Variants in TSPAN5 observed in about 807,000 individuals in gnomAD.
TSPAN5 encodes the protein tetraspanin 5.
Under a neutral mutation model 37.1 loss-of-function variants are expected in TSPAN5, and 10 were observed. That is an observed-to-expected ratio of 0.27 (90% CI 0.17 to 0.46). The LOEUF is 0.46. Among genes scored for constraint, TSPAN5 ranks in the 20% least tolerant of loss-of-function variants. The probability of loss-of-function intolerance (pLI) is 1.00; values close to 1 mark genes in which losing one functional copy is unlikely to be tolerated. For missense variants in TSPAN5, 195 were observed against 326.6 expected (o/e 0.60, Z 3.11); for synonymous variants, 110 against 118.9 (o/e 0.93, Z 0.48).
At chr4:98,473,311 G>GT (rs1560503301) in intron 7 of TSPAN5, among the ~76,000 whole-genome samples, 5 of 152,222 alleles carry the variant, frequency 3.3e-5, no homozygotes, top group African/African-American at 1.2e-4. Context: ...TGAGGGTTTC[G>GT]TTTTCTCCAC....
chr4:98,655,795 C>T (rs1757283608), intron 1 of TSPAN5, among the ~76,000 whole-genome samples: 1 of 152,150 alleles, frequency 6.6e-6, no homozygotes, highest in South Asian at 2.1e-4. Context: ...ATTACTTTAA[C>T]CAAAACCATA....
intron 1 of TSPAN5, among the ~76,000 whole-genome samples, chr4:98,573,584 C>A (rs2110185565): frequency 6.6e-6 from 1 of 152,268 alleles, no homozygotes; most frequent in Middle Eastern, 3.4e-3. Flanking sequence ...AAGTAGATAA[C>A]AACTACAAGA....
intron 1 of TSPAN5, among the ~76,000 whole-genome samples, chr4:98,611,698 G>C (rs1288512291): frequency 1.3e-5 from 2 of 152,236 alleles, no homozygotes; most frequent in Non-Finnish European, 2.9e-5. Flanking sequence ...GTAAGAACAG[G>C]GTCTTCCCAG....
At chr4:98,554,098 A>C (rs1754685592) in intron 1 of TSPAN5, among the ~76,000 whole-genome samples, 1 of 152,074 alleles carries the variant, frequency 6.6e-6, no homozygotes, top group Non-Finnish European at 1.5e-5. Context: ...AAAATGTAAA[A>C]AGCAGTCTTG....
chr4:98,556,007 G>A (rs931810946), intron 1 of TSPAN5, among the ~76,000 whole-genome samples: 17 of 134,958 alleles, frequency 1.3e-4, no homozygotes, highest in South Asian at 2.3e-4. Context: ...ACACACACAC[G>A]TGCACAGCAC....
intron 1 of TSPAN5, among the ~76,000 whole-genome samples, chr4:98,508,403 G>A (rs1370589281): frequency 6.6e-6 from 1 of 152,128 alleles, no homozygotes; most frequent in Admixed American, 6.5e-5. Flanking sequence ...TAAGGCAGAG[G>A]CACATCTCAT....
intron 1 of TSPAN5, among the ~76,000 whole-genome samples, chr4:98,622,695 CAGTCAGTCTGAGGCTTAA>C (rs1238585909): frequency 2.0e-5 from 3 of 152,138 alleles, no homozygotes; most frequent in African/African-American, 7.2e-5. Flanking sequence ...TCAGGTAGGA[CAGTCAGTCTGAGGCTTAA>C]AAATGAGGTC....
chr4:98,607,271 ACAT>A (rs2110228592), intron 1 of TSPAN5, among the ~76,000 whole-genome samples: 1 of 152,302 alleles, frequency 6.6e-6, no homozygotes, highest in African/African-American at 2.4e-5. Context: ...AAAGAACCAC[ACAT>A]CCGGAGATGG....
chr4:98,480,788 G>A (rs73832319), intron 4 of TSPAN5, among the ~76,000 whole-genome samples: 14,663 of 152,150 alleles, frequency 0.096, 1,524 homozygotes, highest in African/African-American at 0.27. Context: ...GCACCCATTA[G>A]GACCTAATAA....
At chr4:98,565,222 T>C (rs1255569122) in intron 1 of TSPAN5, among the ~76,000 whole-genome samples, 3 of 152,238 alleles carry the variant, frequency 2.0e-5, no homozygotes, top group Non-Finnish European at 4.4e-5. Context: ...TTTTCCCCCT[T>C]GTTCCTTGAA....
rs1752970792 is a variant in TSPAN5 at position 98,486,845 on chromosome 4, C to T, written c.172G>A (p.Gly58Ser). The change falls in exon 3 of 8, where the codon GGC (glycine) becomes AGC (serine). Residue 58 changes from glycine (G) to serine (S), a missense_variant. By Grantham distance (56) the Gly-to-Ser change is moderately conservative. Transcript: ENST00000305798. ...AGGAAGAGCCAAACTGGGTCAAAGC[C>T]GCCGAGATCGGTGATGGAAGAGATG... is the stretch of plus-strand genomic sequence containing the variant. Reference protein sequence around the residue: ...SNISSITDLGGFDPVWLFLVV... With the variant: ...SNISSITDLGSFDPVWLFLVV... 2.5e-6 allele frequency: 4 copies of T among 1,614,030 alleles called. No homozygotes were observed. Among genetic ancestry groups the T allele is most frequent in the Non-Finnish European group, 3.4e-6 (4 of 1,180,006 alleles).
At chr4:98,474,482 G>C (rs1243494117) in intron 7 of TSPAN5, among the ~76,000 whole-genome samples, 1 of 151,752 alleles carries the variant, frequency 6.6e-6, no homozygotes, top group Non-Finnish European at 1.5e-5. Flanking sequence ...CAAGTAGCTG[G>C]GACCACAGGC....
At chr4:98,534,137 T>G (rs1754176797) in intron 1 of TSPAN5, among the ~76,000 whole-genome samples, 1 of 152,142 alleles carries the variant, frequency 6.6e-6, no homozygotes, top group African/African-American at 2.4e-5. Flanking sequence ...TTTCCTGCTT[T>G]CTCTTGTGGG....
intron 1 of TSPAN5, among the ~76,000 whole-genome samples, chr4:98,650,528 G>C (rs569352768): frequency 2.1e-4 from 31 of 146,490 alleles, no homozygotes; most frequent in African/African-American, 7.6e-4. Context: ...GTCAAATAAA[G>C]CAGTTATAAA....
chr4:98,507,685 T>G lies in TSPAN5; in HGVS notation c.125A>C (p.Asn42Thr). ...TCATGATATTCAACTTACTTTTTCA[T>G]TCCATGCCCACAGTCCAATTCCAAG... Reference protein sequence around the residue: ...TFLGIGLWAWNEKGVLSNISS... With the variant: ...TFLGIGLWAWTEKGVLSNISS... The change falls in exon 2 of 8, where the codon AAT becomes ACT. Residue 42 changes from asparagine (N) to threonine (T), a missense_variant. Physicochemically the swap from Asn to Thr is moderately conservative, Grantham distance 65 (BLOSUM62 0). Coordinates refer to ENST00000305798, the MANE Select transcript of TSPAN5 (RefSeq NM_005723.4). 1 of 1,610,816 alleles carries G rather than the reference T, an allele frequency of 6.2e-7. No homozygotes were observed. Among genetic ancestry groups the G allele is most frequent in the Non-Finnish European group, 8.5e-7 (1 of 1,178,770 alleles).
chr4:98,508,963 T>G (rs1182227497), intron 1 of TSPAN5, among the ~76,000 whole-genome samples: 2 of 152,144 alleles, frequency 1.3e-5, no homozygotes, highest in Non-Finnish European at 2.9e-5. Context: ...CCCCTTGATA[T>G]AGAAAACAAT....
At chr4:98,501,659 TG>T (rs998226033) in intron 2 of TSPAN5, among the ~76,000 whole-genome samples, 15 of 152,106 alleles carry the variant, frequency 9.9e-5, no homozygotes, top group Admixed American at 8.5e-4. Flanking sequence ...CCTGGGGTTG[TG>T]GGGGTATGTT....
At chr4:98,480,803 G>A (rs1185418921) in intron 4 of TSPAN5, among the ~76,000 whole-genome samples, 1 of 152,138 alleles carries the variant, frequency 6.6e-6, no homozygotes, top group Non-Finnish European at 1.5e-5. Flanking sequence ...TAATAAAACA[G>A]TGAAGTCGGC....
chr4:98,492,039 C>G (rs1048161293), intron 2 of TSPAN5, among the ~76,000 whole-genome samples: 5 of 152,056 alleles, frequency 3.3e-5, no homozygotes, highest in Non-Finnish European at 2.9e-5. Context: ...AACCTGAGGC[C>G]CCCGCCTCTT....
Sources: allele counts gnomAD v4.1 joint callset (sites outside exome capture counted in the v4.1 genomes callset), GRCh38; gene constraint gnomAD v4.1.1; transcripts MANE v1.5; gene names NCBI Gene and HGNC (gene_info 2026-07-23, HGNC 2026-07-21).